Variants in TRIQK observed in about 807,000 individuals in gnomAD.
TRIQK encodes the protein triple QxxK/R motif containing, also known as triple QxxK/R motif-containing protein.
TRIQK carries 10 observed loss-of-function variants against 10.8 expected under a neutral mutation model. The observed-to-expected ratio is 0.92, with a 90% CI of 0.57 to 1.57. The LOEUF is 1.57. TRIQK is among the 40% of genes most tolerant of loss of function. TRIQK has a pLI of 0.00. For missense variants in TRIQK, 107 were observed against 97.7 expected (o/e 1.09, Z -0.40); for synonymous variants, 33 against 33.7 (o/e 0.98, Z 0.07).
intron 3 of TRIQK, among the ~76,000 whole-genome samples, chr8:92,912,579 A>G: frequency 6.6e-6 from 1 of 151,914 alleles, no homozygotes; most frequent in East Asian, 1.9e-4. Flanking sequence ...GGCAGAAATA[A>G]ATGAAATAGA....
At chr8:92,950,348 T>G (rs1811830134) in intron 2 of TRIQK, among the ~76,000 whole-genome samples, 1 of 151,818 alleles carries the variant, frequency 6.6e-6, no homozygotes, top group African/African-American at 2.4e-5. Flanking sequence ...ATGTATGTAT[T>G]TACATACTTA....
chr8:92,916,837 A>G (rs2130457781), intron 3 of TRIQK, 92 bp downstream of exon 3: 2 of 920,720 alleles, frequency 2.2e-6, no homozygotes, highest in Non-Finnish European at 1.5e-6. Flanking sequence ...TCTGTGTATC[A>G]TATGTATTAG....
intron 1 of TRIQK, among the ~76,000 whole-genome samples, chr8:93,001,780 C>T (rs1336345692): frequency 6.6e-6 from 1 of 152,182 alleles, no homozygotes; most frequent in Non-Finnish European, 1.5e-5. Flanking sequence ...CAGCCTTGAT[C>T]AAATGCACCT....
At chr8:92,980,616 A>C (rs1196814667) in intron 1 of TRIQK, among the ~76,000 whole-genome samples, 2 of 152,078 alleles carry the variant, frequency 1.3e-5, no homozygotes, top group Admixed American at 1.3e-4. Flanking sequence ...TTATTCTACT[A>C]TCACATGAAC....
intron 1 of TRIQK, among the ~76,000 whole-genome samples, chr8:93,014,359 T>A (rs533629200): frequency 1.3e-5 from 2 of 152,230 alleles, no homozygotes; most frequent in East Asian, 3.9e-4. Context: ...TAACTCTGAA[T>A]ATGATTTTAT....
intron 2 of TRIQK, among the ~76,000 whole-genome samples, chr8:92,928,415 C>T (rs1018275950): frequency 6.6e-6 from 1 of 152,138 alleles, no homozygotes; most frequent in African/African-American, 2.4e-5. Context: ...TTGGGAGCAA[C>T]TGGAGGGTCC....
intron 1 of TRIQK, among the ~76,000 whole-genome samples, chr8:92,996,196 T>C (rs1019749133): frequency 6.6e-6 from 1 of 152,074 alleles, no homozygotes; most frequent in Non-Finnish European, 1.5e-5. Flanking sequence ...GTCTGCAAGA[T>C]TTGCATAATT....
At chr8:92,911,934 C>T (rs920416010) in intron 3 of TRIQK, among the ~76,000 whole-genome samples, 7 of 146,836 alleles carry the variant, frequency 4.8e-5, no homozygotes, top group African/African-American at 1.8e-4. Flanking sequence ...CACCCAACAT[C>T]AAAGAATCTA....
intron 3 of TRIQK, among the ~76,000 whole-genome samples, chr8:92,895,250 C>T (rs1808532775): frequency 6.6e-6 from 1 of 152,206 alleles, no homozygotes; most frequent in Admixed American, 6.6e-5. Flanking sequence ...CCAGTCTCCA[C>T]AATCATAAGA....
At chr8:92,893,935 G>A (rs557511132) in intron 3 of TRIQK, among the ~76,000 whole-genome samples, 2 of 151,898 alleles carry the variant, frequency 1.3e-5, no homozygotes, top group Non-Finnish European at 2.9e-5. Flanking sequence ...GAAATATTTT[G>A]GATAATGTAT....
chr8:92,932,812 T>C (rs1373805651), intron 2 of TRIQK, among the ~76,000 whole-genome samples: 2 of 152,334 alleles, frequency 1.3e-5, no homozygotes, highest in Admixed American at 1.3e-4. Flanking sequence ...AATTAATGTA[T>C]ATCATTTTTA....
intron 1 of TRIQK, among the ~76,000 whole-genome samples, chr8:93,000,824 G>T (rs2130756437): frequency 6.8e-6 from 1 of 146,538 alleles, no homozygotes; most frequent in East Asian, 2.0e-4. Context: ...ATACACAAAT[G>T]GTAAAGAGAA....
chr8:92,945,769 T>A (rs1199776347), intron 2 of TRIQK, among the ~76,000 whole-genome samples: 2 of 152,184 alleles, frequency 1.3e-5, no homozygotes, highest in Admixed American at 1.3e-4. Flanking sequence ...GCTATATGTA[T>A]TAAATTTAGG....
chr8:92,900,074 T>G (rs531878338), intron 3 of TRIQK, among the ~76,000 whole-genome samples: 63 of 152,332 alleles, frequency 4.1e-4, no homozygotes, highest in Middle Eastern at 3.4e-3. Flanking sequence ...TATTCAGATA[T>G]TTTGCCCATT....
At chr8:92,981,820 G>A (rs1232847443) in intron 1 of TRIQK, among the ~76,000 whole-genome samples, 1 of 151,600 alleles carries the variant, frequency 6.6e-6, no homozygotes, top group Non-Finnish European at 1.5e-5. Context: ...TTTTCTCATA[G>A]TTGCCATACT....
intron 3 of TRIQK, among the ~76,000 whole-genome samples, chr8:92,893,298 G>A (rs1816852084): frequency 6.6e-6 from 1 of 151,964 alleles, no homozygotes; most frequent in East Asian, 1.9e-4. Context: ...GCGTAGTGAA[G>A]AAACATTATA....
chr8:92,942,515 C>T (rs1247786341), intron 2 of TRIQK, among the ~76,000 whole-genome samples: 1 of 152,066 alleles, frequency 6.6e-6, no homozygotes, highest in Non-Finnish European at 1.5e-5. Flanking sequence ...CACTTCTGTT[C>T]AACATAGTAT....
intron 1 of TRIQK, among the ~76,000 whole-genome samples, chr8:93,011,685 C>T (rs1406209818): frequency 6.6e-6 from 1 of 152,108 alleles, no homozygotes; most frequent in Non-Finnish European, 1.5e-5. Context: ...AGAACATCAT[C>T]AAATAGCATT....
chr8:92,919,728 A>C (rs1020160785), intron 2 of TRIQK, among the ~76,000 whole-genome samples: 6 of 151,624 alleles, frequency 4.0e-5, no homozygotes, highest in Admixed American at 2.0e-4. Context: ...TAGTTCTTTA[A>C]CTGTTTGGTA....
Sources: gnomAD v4.1 joint callset for allele counts (sites outside exome capture counted in the v4.1 genomes callset) on GRCh38, gnomAD v4.1.1 for gene constraint, MANE v1.5 for transcripts, NCBI Gene and HGNC (gene_info 2026-07-23, HGNC 2026-07-21) for gene names.